The following SOX5 variants were observed in gnomAD, a reference collection of about 807,000 sequenced individuals.
SOX5 encodes the protein SRY-box transcription factor 5.
Under a neutral mutation model 92.0 loss-of-function variants are expected in SOX5, and 9 were observed. The observed-to-expected ratio is 0.10, with a 90% confidence interval of 0.06 to 0.17. The LOEUF is 0.17. SOX5 is among the 10% of genes least tolerant of loss of function. SOX5 has a pLI of 1.00. For synonymous variants in SOX5, 344 were observed against 336.3 expected (o/e 1.02, Z -0.25); for missense variants, 642 against 944.5 (o/e 0.68, Z 4.20).
chr12:24,438,010 T>C (rs1479404874), intron 1 of SOX5, among the ~76,000 whole-genome samples: 10 of 152,138 alleles, frequency 6.6e-5, no homozygotes, highest in Admixed American at 3.9e-4. Flanking sequence ...CTATTCACAA[T>C]AGCAAAGACT....
chr12:23,753,075 A>T (rs2094231280), intron 4 of SOX5, among the ~76,000 whole-genome samples: 1 of 151,844 alleles, frequency 6.6e-6, no homozygotes, highest in African/African-American at 2.4e-5. Flanking sequence ...AATGAGATTG[A>T]CTTTAAGTGG....
At chr12:23,870,444 A>T (rs1430793384) in intron 2 of SOX5, among the ~76,000 whole-genome samples, 1 of 152,106 alleles carries the variant, frequency 6.6e-6, no homozygotes, top group Non-Finnish European at 1.5e-5. Context: ...CTCCATTATA[A>T]ACCTAGAGGC....
At chr12:23,946,595 C>T (rs1944628796) in intron 1 of SOX5, among the ~76,000 whole-genome samples, 1 of 151,974 alleles carries the variant, frequency 6.6e-6, no homozygotes, top group Admixed American at 6.6e-5. Flanking sequence ...TTTTCATTAT[C>T]TACTTTCAGT....
intron 2 of SOX5, among the ~76,000 whole-genome samples, chr12:24,353,042 G>T (rs187422140): frequency 6.6e-6 from 1 of 152,296 alleles, no homozygotes; most frequent in African/African-American, 2.4e-5. Context: ...AATGCATGAG[G>T]TGCATGACAG....
At chr12:24,040,057 T>C (rs1379169489) in intron 4 of SOX5, among the ~76,000 whole-genome samples, 1 of 152,196 alleles carries the variant, frequency 6.6e-6, no homozygotes. Flanking sequence ...TTAATTCATG[T>C]CAATGTGATC....
intron 1 of SOX5, among the ~76,000 whole-genome samples, chr12:24,404,842 G>A (rs1243549557): frequency 6.6e-6 from 1 of 152,114 alleles, no homozygotes; most frequent in Non-Finnish European, 1.5e-5. Flanking sequence ...ACCTTATTTG[G>A]AAATATGGTC....
At chr12:24,163,612 T>C (rs553856171) in intron 4 of SOX5, among the ~76,000 whole-genome samples, 1 of 143,984 alleles carries the variant, frequency 6.9e-6, no homozygotes, top group East Asian at 2.0e-4. Context: ...AATACGAGGA[T>C]TCTATCAGTC....
At chr12:24,127,907 G>C (rs372031407) in intron 4 of SOX5, among the ~76,000 whole-genome samples, 44 of 152,188 alleles carry the variant, frequency 2.9e-4, no homozygotes, top group East Asian at 9.6e-4. Flanking sequence ...GTTCCCAAGA[G>C]AGTCTACCAT....
intron 1 of SOX5, among the ~76,000 whole-genome samples, chr12:24,439,089 C>T (rs1299136985): frequency 2.0e-5 from 3 of 152,170 alleles, no homozygotes; most frequent in African/African-American, 4.8e-5. Flanking sequence ...CAGCAAAAAC[C>T]ACCCTGATCA....
intron 2 of SOX5, among the ~76,000 whole-genome samples, chr12:24,359,445 G>C (rs893939985): frequency 6.6e-6 from 1 of 152,118 alleles, no homozygotes; most frequent in African/African-American, 2.4e-5. Flanking sequence ...TTCTCCCACT[G>C]TTCTCTCAAA....
chr12:24,373,021 G>C (rs1008057731), intron 1 of SOX5, among the ~76,000 whole-genome samples: 1 of 151,206 alleles, frequency 6.6e-6, no homozygotes, highest in Admixed American at 6.6e-5. Flanking sequence ...GGGAGGCTAA[G>C]GTGGGAGGAT....
intron 2 of SOX5, among the ~76,000 whole-genome samples, chr12:24,359,568 A>T (rs1196922633): frequency 2.0e-5 from 3 of 152,202 alleles, no homozygotes. Flanking sequence ...TTGGGAAGAG[A>T]TCTGAATAAT....
In SOX5 at chr12:24,184,210, T is replaced by C. The variant is rs142864327; in HGVS notation, c.-2+29133A>G. Among the ~76,000 whole-genome samples, 12 of 152,254 alleles carry C rather than the reference T, an allele frequency of 7.9e-5. No individual in the cohort carries two copies. The East Asian group carries it at 2.3e-3, about 29-fold the overall frequency. On this transcript the variant is annotated intron_variant, in intron 4 of 4. Coordinates refer to the SOX5 transcript ENST00000446891. ...TTGACAACCAGAAAGAAATCTTTAG[T>C]AAAATAAATGCTCTAACTTTAATTC...
chr12:23,826,731 T>A (rs2096241559), intron 3 of SOX5, among the ~76,000 whole-genome samples: 1 of 151,880 alleles, frequency 6.6e-6, no homozygotes, highest in African/African-American at 2.4e-5. Context: ...AAAACAGAAC[T>A]CCAAATGGGA....
At chr12:23,643,573 C>T (rs947534467) in intron 7 of SOX5, among the ~76,000 whole-genome samples, 5 of 152,076 alleles carry the variant, frequency 3.3e-5, no homozygotes, top group African/African-American at 9.7e-5. Context: ...AAAAAGAGGT[C>T]CAAAAATTTG....
At position 24,113,430 on chromosome 12, in the gene SOX5, T is replaced by A. The variant is rs951310944; in HGVS notation, c.-2+99913A>T. Among the ~76,000 whole-genome samples, 17 of 152,032 alleles carry A rather than the reference T, an allele frequency of 1.1e-4. 1 individual carries two copies. The South Asian group carries it at 3.5e-3, about 31-fold the overall frequency. ...ATTTGTGTTGCATTTCTGAAAAAAA[T>A]TAATGTATATTGAAGTTTACAAAAA... is the stretch of plus-strand genomic sequence containing the variant. On this transcript the variant is annotated intron_variant, in intron 4 of 4. Coordinates refer to the SOX5 transcript ENST00000446891.
intron 2 of SOX5, among the ~76,000 whole-genome samples, chr12:23,851,000 T>C (rs560328326): frequency 3.9e-5 from 6 of 152,044 alleles, no homozygotes; most frequent in Non-Finnish European, 8.8e-5. Context: ...ATACCTGACC[T>C]AAATATATAC....
At chr12:23,682,923 T>C (rs1020197562) in intron 6 of SOX5, among the ~76,000 whole-genome samples, 2 of 151,882 alleles carry the variant, frequency 1.3e-5, no homozygotes, top group Admixed American at 6.6e-5. Context: ...TCTAACGTTT[T>C]CAGTTCCCAT....
chr12:24,492,080 T>A (rs939284019), intron 1 of SOX5, among the ~76,000 whole-genome samples: 5 of 152,168 alleles, frequency 3.3e-5, no homozygotes, highest in Non-Finnish European at 5.9e-5. Context: ...ATAAAATCTT[T>A]AAGCTTGGTA....
Sources: allele counts gnomAD v4.1 joint callset (sites outside exome capture counted in the v4.1 genomes callset), GRCh38; gene constraint gnomAD v4.1.1; transcripts MANE v1.5; gene names NCBI Gene and HGNC (gene_info 2026-07-23, HGNC 2026-07-21).